The following PDGFD variants were observed in gnomAD, a reference collection of about 807,000 sequenced individuals.
PDGFD encodes the protein platelet derived growth factor D.
In PDGFD, 30 loss-of-function variants were observed where a neutral mutation model predicts 44.7. The observed-to-expected ratio is 0.67, with a 90% CI of 0.50 to 0.91. The LOEUF (loss-of-function observed/expected upper bound fraction) is 0.91. Ranked by LOEUF, PDGFD falls within the 40% of genes least tolerant of loss-of-function variation. The probability of loss-of-function intolerance (pLI) is 0.00; values close to 1 mark genes in which losing one functional copy is unlikely to be tolerated. For missense variants in PDGFD, 445 were observed against 457.8 expected, an observed-to-expected ratio of 0.97 and a Z score of 0.25; for synonymous variants, 173 against 168.4, an observed-to-expected ratio of 1.03 and a Z score of -0.21.
intron 1 of PDGFD, among the ~76,000 whole-genome samples, chr11:104,067,792 G>C (rs1860812687): frequency 6.6e-6 from 1 of 152,126 alleles, no homozygotes; most frequent in Non-Finnish European, 1.5e-5. Context: ...TGCTTTCTTT[G>C]ATCAACTAAA....
chr11:104,100,603 G>T (rs183922512), intron 1 of PDGFD, among the ~76,000 whole-genome samples: 209 of 152,230 alleles, frequency 1.4e-3, no homozygotes, highest in Non-Finnish European at 2.0e-3. Flanking sequence ...ATTATATGAG[G>T]CCAGCATCAT....
chr11:104,058,873 C>T (rs935490436), intron 1 of PDGFD, among the ~76,000 whole-genome samples: 4 of 152,022 alleles, frequency 2.6e-5, no homozygotes, highest in Non-Finnish European at 5.9e-5. Context: ...GTGAAAGAAG[C>T]GAGACACACA....
At chr11:103,947,932 T>C (rs949127494) in intron 3 of PDGFD, among the ~76,000 whole-genome samples, 1 of 152,170 alleles carries the variant, frequency 6.6e-6, no homozygotes, top group Non-Finnish European at 1.5e-5. Flanking sequence ...TTCTTGTAAG[T>C]ACTGGTGAAA....
intron 3 of PDGFD, 45 bp downstream of exon 3, chr11:103,996,020 T>A: frequency 6.5e-7 from 1 of 1,539,846 alleles, no homozygotes; most frequent in Non-Finnish European, 8.9e-7. Flanking sequence ...CTACACTTCA[T>A]GAAACCAGTG....
intron 4 of PDGFD, 26 bp from the exon 5 acceptor site, chr11:103,943,676 A>G (rs573585823): frequency 6.3e-7 from 1 of 1,584,138 alleles, no homozygotes; most frequent in South Asian, 1.1e-5. Context: ...AGCTCAGTGT[A>G]CTCAGAATAA....
chr11:104,099,419 C>G (rs926757755), intron 1 of PDGFD, among the ~76,000 whole-genome samples: 1 of 151,934 alleles, frequency 6.6e-6, no homozygotes, highest in Admixed American at 6.6e-5. Context: ...GCAGGCGGAT[C>G]GTTTGAGCCC....
At chr11:104,069,151 A>G (rs1385589963) in intron 1 of PDGFD, among the ~76,000 whole-genome samples, 1 of 152,196 alleles carries the variant, frequency 6.6e-6, no homozygotes, top group African/African-American at 2.4e-5. Flanking sequence ...TTTAATCTGA[A>G]AGCGTTTCTG....
Position 104,117,852 on chromosome 11 carries a change from C to T in PDGFD, c.124+45952G>A, listed in dbSNP as rs538014559. Reference sequence around the variant, plus strand: ...CAACACAATTCTCATCAAAATACCACCATCATTCTTCACAGAAGTAGAAAA... The same window carrying T: ...CAACACAATTCTCATCAAAATACCATCATCATTCTTCACAGAAGTAGAAAA... On this transcript the variant is annotated intron_variant, in intron 1 of 6. Transcript: ENST00000393158. 1.7e-4 allele frequency among the ~76,000 whole-genome samples: 26 copies of T among 151,994 alleles called. No homozygotes were observed. In the South Asian group the frequency reaches 5.0e-3, roughly 29 times the overall value.
chr11:103,949,936 T>A (rs1282027525), intron 3 of PDGFD, among the ~76,000 whole-genome samples: 2 of 151,988 alleles, frequency 1.3e-5, no homozygotes, highest in African/African-American at 4.8e-5. Flanking sequence ...TTAGACAAGG[T>A]GAGGAAAGTA....
At chr11:103,948,161 A>C (rs1474754115) in intron 3 of PDGFD, among the ~76,000 whole-genome samples, 2 of 152,214 alleles carry the variant, frequency 1.3e-5, no homozygotes, top group Non-Finnish European at 2.9e-5. Flanking sequence ...CATTATTGAC[A>C]TATAGTTGGT....
intron 1 of PDGFD, among the ~76,000 whole-genome samples, chr11:104,148,285 T>C (rs960403344): frequency 1.3e-5 from 2 of 152,188 alleles, no homozygotes; most frequent in Admixed American, 6.5e-5. Context: ...AACGATGAGA[T>C]ACAAAAACAG....
chr11:103,977,303 A>T (rs1859198988), intron 3 of PDGFD, among the ~76,000 whole-genome samples: 1 of 152,094 alleles, frequency 6.6e-6, no homozygotes, highest in Admixed American at 6.6e-5. Flanking sequence ...AACTATCCCA[A>T]ACAATTGAAA....
Position 104,101,915 on chromosome 11 carries a change from C to CA in PDGFD, c.124+61888dup, listed in dbSNP as rs1020554838. Among the ~76,000 whole-genome samples the CA allele has an allele frequency of 2.8e-3, 419 of 152,102 alleles. 2 individuals are homozygous for CA. The highest frequency in any genetic ancestry group is 9.3e-3 in the African/African-American group (387 of 41,448). Reference sequence around the variant, plus strand: ...CTGGATCCCTTCCTTACACCTTATACAAAAATTAATTCAAGATGGATTAAA... The same window carrying CA: ...CTGGATCCCTTCCTTACACCTTATACAAAAAATTAATTCAAGATGGATTAAA... On this transcript the variant is annotated intron_variant, in intron 1 of 6. Transcript: ENST00000393158.
intron 1 of PDGFD, among the ~76,000 whole-genome samples, chr11:104,074,124 T>G (rs1195774704): frequency 6.6e-6 from 1 of 152,188 alleles, no homozygotes; most frequent in Non-Finnish European, 1.5e-5. Flanking sequence ...GGGGATAGTC[T>G]GCTTAGACGA....
intron 3 of PDGFD, 76 bp downstream of exon 3, chr11:103,995,989 T>C (rs1859528958): frequency 7.6e-7 from 1 of 1,318,984 alleles, no homozygotes; most frequent in Admixed American, 2.2e-5. Context: ...CTCACTGAAT[T>C]TGATCATAGA....
chr11:104,136,339 T>C (rs938587336), intron 1 of PDGFD, among the ~76,000 whole-genome samples: 6 of 152,172 alleles, frequency 3.9e-5, no homozygotes, highest in Admixed American at 6.5e-5. Context: ...CATGACAGAT[T>C]GAACAAGAGT....
chr11:104,116,602 T>C (rs1032701206), intron 1 of PDGFD, among the ~76,000 whole-genome samples: 1 of 151,994 alleles, frequency 6.6e-6, no homozygotes, highest in Non-Finnish European at 1.5e-5. Context: ...TACAGACCAA[T>C]ATCCCTGATG....
intron 1 of PDGFD, among the ~76,000 whole-genome samples, chr11:104,007,148 G>C (rs528776818): frequency 2.0e-5 from 3 of 152,174 alleles, no homozygotes; most frequent in Non-Finnish European, 4.4e-5. Context: ...CCTGTCGCAA[G>C]TCCTATGCGG....
intron 1 of PDGFD, among the ~76,000 whole-genome samples, chr11:104,083,018 C>A (rs540095621): frequency 5.3e-5 from 8 of 152,076 alleles, no homozygotes; most frequent in African/African-American, 1.9e-4. Context: ...AGGTTTACTG[C>A]GAAAATCTTC....
Sources: allele counts gnomAD v4.1 joint callset (sites outside exome capture counted in the v4.1 genomes callset), GRCh38; gene constraint gnomAD v4.1.1; transcripts MANE v1.5; gene names NCBI Gene and HGNC (gene_info 2026-07-23, HGNC 2026-07-21).